The following BCL6 variants were observed in gnomAD, a reference collection of about 807,000 sequenced individuals.
The protein encoded by BCL6 is B-cell lymphoma 6 protein.
A neutral mutation model predicts 59.5 loss-of-function variants in BCL6; 7 were observed. The observed-to-expected ratio is 0.12, with a 90% CI of 0.07 to 0.22. The LOEUF (loss-of-function observed/expected upper bound fraction) is 0.22, where lower values mean the gene tolerates loss of function less well. Among genes scored for constraint, BCL6 ranks in the 10% least tolerant of loss-of-function variants. The pLI, the probability that BCL6 is intolerant of heterozygous loss-of-function variation, is 1.00. For synonymous variants in BCL6, 339 were observed against 349.7 expected, an observed-to-expected ratio of 0.97 and a Z score of 0.34; for missense variants, 685 against 939.4, an observed-to-expected ratio of 0.73 and a Z score of 3.54.
In BCL6 at chr3:187,726,849, C is replaced by A. The variant is rs1322215309; in HGVS notation, c.1590G>T (p.Glu530Asp). The change falls in exon 7 of 10, where the codon GAG becomes GAT. Residue 530 changes from glutamate to aspartate, a missense_variant. Glu to Asp is a conservative substitution (Grantham distance 45, BLOSUM62 2). Coordinates refer to ENST00000406870, the MANE Select transcript of BCL6 (RefSeq NM_001706.5). ...GCAGCGTGTGCCTCTTGAGTGAGGC[C>A]TCCTCAGAGAAGCGGCAGTCACACT... Reference protein sequence around the residue: ...CNECDCRFSEEASLKRHTLQT... With the variant: ...CNECDCRFSEDASLKRHTLQT... 1.9e-6 allele frequency: 3 copies of A among 1,614,078 alleles called. No homozygotes were observed. The South Asian group carries it at 3.3e-5, about 18-fold the overall frequency.
rs1451574290 is a variant in BCL6, at chr3:187,725,664, A to G, written c.1709-35T>C. 2 of 1,613,490 alleles carry G rather than the reference A, an allele frequency of 1.2e-6. No individual in the cohort carries two copies. Among genetic ancestry groups the G allele is most frequent in the Admixed American group, 1.7e-5 (1 of 59,960 alleles). On this transcript the variant is annotated intron_variant, in intron 7 of 9. Coordinates refer to ENST00000406870, the MANE Select transcript of BCL6 (RefSeq NM_001706.5). This position sits in a 1 kb window ranked among gnomAD's most constrained non-coding sequence, Gnocchi z 4.7. ...AGAAAAAGGGAAAAAGAAAAGCCAT[A>G]TTCAATAAGGAAGGTCTCTGCAGTC...
chr3:187,734,232 AGT>A (rs1458453962), intron 2 of BCL6, among the ~76,000 whole-genome samples: 2 of 152,094 alleles, frequency 1.3e-5, no homozygotes, highest in African/African-American at 4.8e-5. Context: ...TAGTAGAGAT[AGT>A]GTTTCACTAT....
rs776573498 is a variant in BCL6, at chr3:187,731,696, G to C, written c.383+13C>G. ...CTTCCATCTCCGACGCTTCCACCCG[G>C]GTAGCAACTCACCTGGCCTTAATAA... On this transcript the variant is annotated intron_variant, in intron 4 of 9. Transcript: ENST00000406870. The C allele has an allele frequency of 2.5e-6, 4 of 1,612,830 alleles. No individual in the cohort carries two copies. The African/African-American group carries it at 5.3e-5, about 22-fold the overall frequency.
chr3:187,725,278 ACCCGCTCTGCTCACCTG>A lies in BCL6; in HGVS notation c.1839+204_1840-201del, dbSNP rs557073008. Among the ~76,000 whole-genome samples, 1,224 of 136,600 alleles carry A rather than the reference ACCCGCTCTGCTCACCTG, an allele frequency of 9.0e-3. 4 individuals carry two copies. Among genetic ancestry groups the A allele is most frequent in the Non-Finnish European group, 0.012 (772 of 62,778 alleles). The allele number at this position is 136,600 out of a possible 152,430, so 89.6% of individuals were successfully genotyped here. On this transcript the variant is annotated intron_variant, in intron 8 of 9. Transcript: ENST00000406870. The surrounding 1 kb of genome is among the most constrained non-coding windows in gnomAD (Gnocchi z 4.7). ...GCTCACCTGCCCACTCTGCTCACCT[ACCCGCTCTGCTCACCTG>A]CCCGCTCTGCTCACCTGCCCGCTCT...
At chr3:187,744,531 A>G (rs572702321) in intron 1 of BCL6, among the ~76,000 whole-genome samples, 1 of 152,310 alleles carries the variant, frequency 6.6e-6, no homozygotes, top group East Asian at 1.9e-4. Context: ...CGGCTCTGAA[A>G]GGAAATAGTA....
chr3:187,733,734 C>T, intron 2 of BCL6, 31 bp from the exon 3 acceptor site: 2 of 1,604,426 alleles, frequency 1.2e-6, no homozygotes, highest in Non-Finnish European at 1.7e-6. Flanking sequence ...TCCTGTTAGT[C>T]CTCCAGAACC....
chr3:187,745,180 T>C (rs148058713), intron 1 of BCL6, among the ~76,000 whole-genome samples: 2 of 152,208 alleles, frequency 1.3e-5, no homozygotes, highest in African/African-American at 2.4e-5. Flanking sequence ...GTGGGACTAA[T>C]CTTCGGCATT....
In BCL6 at chr3:187,725,843, G is replaced by A. The variant is rs769628295; in HGVS notation, c.1709-214C>T. ...CACCTGCATACCTCGCAGGGGACCA[G>A]GGCCAAGAAACAAGTGGTGGCACGG... is the stretch of plus-strand genomic sequence containing the variant. On this transcript the variant is annotated intron_variant, in intron 7 of 9. Coordinates refer to ENST00000406870, the MANE Select transcript of BCL6 (RefSeq NM_001706.5). The surrounding 1 kb of genome is among the most constrained non-coding windows in gnomAD (Gnocchi z 4.7). Among the ~76,000 whole-genome samples the A allele has an allele frequency of 7.2e-5, 11 of 152,202 alleles. No individual in the cohort carries two copies. The highest frequency in any genetic ancestry group is 1.9e-4 in the East Asian group (1 of 5,192).
At chr3:187,730,051 G>A (rs35242534) in intron 4 of BCL6, 30 bp from the exon 5 acceptor site, 82 of 1,526,098 alleles carry the variant, frequency 5.4e-5, no homozygotes, top group Middle Eastern at 3.5e-4. Context: ...GAAAGACACC[G>A]GCCCCAAATC....
intron 4 of BCL6, among the ~76,000 whole-genome samples, chr3:187,730,850 A>G (rs966978810): frequency 6.6e-6 from 1 of 152,240 alleles, no homozygotes; most frequent in Non-Finnish European, 1.5e-5. Flanking sequence ...GCTAGAACCC[A>G]TAAGAAGGTT....
At position 187,726,790 on chromosome 3, in the gene BCL6, C is replaced by T. The variant is rs147650939; in HGVS notation, c.1649G>A (p.Arg550His). ...CTTGTAGCGGAAGGAGGCCTGGCAGCGGTCACACTTGTAGGGTTTGTCACT... is the reference window on the plus strand; with the variant it reads ...CTTGTAGCGGAAGGAGGCCTGGCAGTGGTCACACTTGTAGGGTTTGTCACT... ...THSDKPYKCD[R>H]CQASFRYKGN... Residue 550 changes from arginine to histidine, a missense_variant, in exon 7 of 10, where the codon CGC becomes CAC. Coordinates refer to ENST00000406870, the MANE Select transcript of BCL6 (RefSeq NM_001706.5). 140 of 1,614,052 alleles carry T rather than the reference C, an allele frequency of 8.7e-5. No individual in the cohort carries two copies. The highest frequency in any genetic ancestry group is 1.0e-4 in the Non-Finnish European group (121 of 1,180,038).
chr3:187,745,071 G>C (rs1576886241), intron 1 of BCL6, among the ~76,000 whole-genome samples: 3 of 151,698 alleles, frequency 2.0e-5, no homozygotes, highest in East Asian at 1.9e-4. Flanking sequence ...AACAACACAA[G>C]GGAGGGTGGC....
rs1369872948 is a variant in BCL6, at chr3:187,729,901, T to C, written c.504A>G (p.Pro168=). The change falls in exon 5 of 10, where the codon CCA becomes CCG. Residue 168 remains proline (P), a synonymous_variant. Transcript: ENST00000406870. This position sits in a 1 kb window ranked among gnomAD's most constrained non-coding sequence, Gnocchi z 5.6. The part of the protein sequence containing the change: ...RGREVVENNL[P]LRSAPGCESR... ...TCTCACACCCAGGGGCGCTCCTCAG[T>C]GGCAGGTTGTTCTCCACCACCTCAC... 5 of 1,614,102 alleles carry C rather than the reference T, an allele frequency of 3.1e-6. No individual in the cohort carries two copies. The highest frequency in any genetic ancestry group is 2.5e-6 in the Non-Finnish European group (3 of 1,180,008).
chr3:187,743,758 C>G (rs1711717542), intron 1 of BCL6, among the ~76,000 whole-genome samples: 5 of 143,050 alleles, frequency 3.5e-5, no homozygotes, highest in Admixed American at 2.2e-4. Context: ...GCCCCCGGAG[C>G]TCAGCCGATT....
chr3:187,740,166 A>G (rs927636315), intron 1 of BCL6, among the ~76,000 whole-genome samples: 4 of 152,220 alleles, frequency 2.6e-5, no homozygotes, highest in Admixed American at 2.0e-4. Flanking sequence ...GCTCGGAGAA[A>G]GAAAACTTTA....
chr3:187,726,556 C>T (rs959817039), intron 7 of BCL6, among the ~76,000 whole-genome samples, 175 bp downstream of exon 7: 12 of 152,312 alleles, frequency 7.9e-5, no homozygotes, highest in East Asian at 1.9e-4. Flanking sequence ...GTAGATGAGT[C>T]GAGTCACTAA....
intron 9 of BCL6, among the ~76,000 whole-genome samples, chr3:187,722,993 C>T (rs56091972): frequency 0.021 from 3,171 of 152,330 alleles, 50 homozygotes; most frequent in Middle Eastern, 0.037. Flanking sequence ...CTTTACCACA[C>T]AGCCCTCCGT....
chr3:187,743,821 T>C (rs1385324298), intron 1 of BCL6, among the ~76,000 whole-genome samples: 1 of 149,380 alleles, frequency 6.7e-6, no homozygotes, highest in Non-Finnish European at 1.5e-5. Context: ...CGCCGCGCCT[T>C]CCCCCATTCT....
In BCL6 at chr3:187,734,207, A is replaced by AT. The variant is rs760729432; in HGVS notation, c.-10-505dup. On this transcript the variant is annotated intron_variant, in intron 2 of 9. Transcript: ENST00000406870. ...AGGTGCCTGCCACCATGCCCAGCTA[A>AT]TTTTTTTGTATTTTTAGTAGAGATA... is the stretch of plus-strand genomic sequence containing the variant. Among the ~76,000 whole-genome samples, 45 of 151,970 alleles carry AT rather than the reference A, an allele frequency of 3.0e-4. 1 individual carries two copies. Among genetic ancestry groups the AT allele is most frequent in the Non-Finnish European group, 5.9e-4 (40 of 67,978 alleles).
Sources: allele counts gnomAD v4.1 joint callset (sites outside exome capture counted in the v4.1 genomes callset), GRCh38; gene constraint gnomAD v4.1.1; non-coding constraint Gnocchi (gnomAD v3.1); transcripts MANE v1.5; gene names NCBI Gene and HGNC (gene_info 2026-07-23, HGNC 2026-07-21).